The following MYO9B variants were observed in gnomAD, a reference collection of about 807,000 sequenced individuals.
The protein encoded by MYO9B is myosin IXB.
Under a neutral mutation model 229.5 loss-of-function variants are expected in MYO9B, and 71 were observed. That is an observed-to-expected ratio of 0.31 (90% CI 0.26 to 0.38). MYO9B has a LOEUF of 0.38. Ranked by LOEUF, MYO9B falls within the 10% of genes least tolerant of loss-of-function variation. The pLI is 1.00. For synonymous variants in MYO9B, 1,185 were observed against 1,235.8 expected, an observed-to-expected ratio of 0.96 and a Z score of 0.86; for missense variants, 2,255 against 2,920.5, an observed-to-expected ratio of 0.77 and a Z score of 5.25.
chr19:17,167,473 ATTT>A (rs36062777), intron 10 of MYO9B, among the ~76,000 whole-genome samples: 177 of 117,378 alleles, frequency 1.5e-3, no homozygotes, highest in African/African-American at 4.7e-3. Flanking sequence ...TATTAGAGCT[ATTT>A]TTTTTTTTTT....
Position 17,194,586 on chromosome 19 carries a change from G to C in MYO9B, c.3159G>C (p.Lys1053Asn). 6.2e-7 allele frequency: 1 copy of C among 1,612,844 alleles called. No individual in the cohort carries two copies. The highest frequency in any genetic ancestry group is 8.5e-7 in the Non-Finnish European group (1 of 1,179,882). The change falls in exon 22 of 40, where the codon AAG becomes AAC. Residue 1053 changes from lysine to asparagine, a missense_variant. By Grantham distance (94) the Lys-to-Asn change is moderately conservative. Around this residue, in one of 7 missense-constraint regions of MYO9B, gnomAD observed 679 missense variants for 770.2 expected, o/e 0.88. Coordinates refer to ENST00000682292, the MANE Select transcript of MYO9B (RefSeq NM_004145.4). ...SFSQMISEKQKAEEKEREALE... is the reference protein window; with the variant it reads ...SFSQMISEKQNAEEKEREALE... ...GCCAGATGATCTCGGAGAAGCAGAAGGCAGAAGAGAAGGAGAGGGAAGCCC... is the reference window on the plus strand; with the variant it reads ...GCCAGATGATCTCGGAGAAGCAGAACGCAGAAGAGAAGGAGAGGGAAGCCC...
chr19:17,181,029 C>A lies in MYO9B; in HGVS notation c.2322C>A (p.Arg774=), dbSNP rs771644394. Residue 774 remains arginine (R), a synonymous_variant, in exon 15 of 40, where the codon CGC becomes CGA. Transcript: ENST00000682292. ...LQSLSRLQKP[R]AFILKSKGIK... ...CCCTCAGTCGGCTCCAGAAACCCCGCGCCTTCATCCTGTGAGTCCCCCACC... is the reference window on the plus strand; with the variant it reads ...CCCTCAGTCGGCTCCAGAAACCCCGAGCCTTCATCCTGTGAGTCCCCCACC... The A allele has an allele frequency of 1.2e-6, 2 of 1,608,578 alleles. No homozygotes were observed. Among genetic ancestry groups the A allele is most frequent in the Non-Finnish European group, 8.5e-7 (1 of 1,177,274 alleles).
intron 18 of MYO9B, among the ~76,000 whole-genome samples, chr19:17,187,189 G>A (rs746119973): frequency 6.6e-6 from 1 of 152,130 alleles, no homozygotes; most frequent in Non-Finnish European, 1.5e-5. Flanking sequence ...TCAGACCCTT[G>A]GCTTCTTCCT....
intron 2 of MYO9B, among the ~76,000 whole-genome samples, chr19:17,112,285 T>G (rs1283461201): frequency 6.6e-6 from 1 of 151,306 alleles, no homozygotes; most frequent in African/African-American, 2.4e-5. Flanking sequence ...GGACACCAGG[T>G]GGGACCAGGA....
chr19:17,088,710 A>G lies in MYO9B; in HGVS notation c.-59+12836A>G, dbSNP rs142942537. Among the ~76,000 whole-genome samples the G allele has an allele frequency of 8.6e-5, 13 of 151,970 alleles. No individual in the cohort carries two copies. In the East Asian group the frequency reaches 2.5e-3, roughly 29 times the overall value. On this transcript the variant is annotated intron_variant, in intron 1 of 39. Coordinates refer to ENST00000682292, the MANE Select transcript of MYO9B (RefSeq NM_004145.4). Reference sequence around the variant, plus strand: ...ATTTGTGTGTGTGTGAGAGAGAGAGAAACAGGATCTGTCTCTGTTGCCCAG... The same window carrying G: ...ATTTGTGTGTGTGTGAGAGAGAGAGGAACAGGATCTGTCTCTGTTGCCCAG...
chr19:17,175,737 T>A lies in MYO9B; in HGVS notation c.2215T>A (p.Tyr739Asn), dbSNP rs2072779615. 5 of 1,572,790 alleles carry A rather than the reference T, an allele frequency of 3.2e-6. No homozygotes were observed. Among genetic ancestry groups the A allele is most frequent in the Non-Finnish European group, 4.3e-6 (5 of 1,159,102 alleles). Residue 739 changes from tyrosine to asparagine, a missense_variant, in exon 14 of 40, where the codon TAC (tyrosine) becomes AAC (asparagine). By Grantham distance (143) the Tyr-to-Asn change is moderately radical. Around this residue, in one of 7 missense-constraint regions of MYO9B, gnomAD observed 155 missense variants for 159.1 expected, o/e 0.97. Coordinates refer to ENST00000682292, the MANE Select transcript of MYO9B (RefSeq NM_004145.4). Reference sequence around the variant, plus strand: ...AGCCAGCACCCCTTCGGAAAAACTTTACCGGTGAGCAAGACCCTGATTTGC... The same window carrying A: ...AGCCAGCACCCCTTCGGAAAAACTTAACCGGTGAGCAAGACCCTGATTTGC... Reference protein sequence around the residue: ...RGASTPSEKLYRDLHNQMIKS... With the variant: ...RGASTPSEKLNRDLHNQMIKS...
intron 3 of MYO9B, among the ~76,000 whole-genome samples, chr19:17,149,121 C>T (rs964096661): frequency 6.6e-6 from 1 of 151,986 alleles, no homozygotes. Context: ...ACTACAGGTG[C>T]ACACCCCCAC....
intron 2 of MYO9B, among the ~76,000 whole-genome samples, chr19:17,114,543 TG>T (rs2057881835): frequency 6.6e-6 from 1 of 152,190 alleles, no homozygotes; most frequent in South Asian, 2.1e-4. Flanking sequence ...CTTACAATGT[TG>T]TTTGTAAGAC....
intron 2 of MYO9B, among the ~76,000 whole-genome samples, chr19:17,139,980 G>C (rs1339473683): frequency 6.6e-6 from 1 of 152,038 alleles, no homozygotes; most frequent in Non-Finnish European, 1.5e-5. Context: ...GGAGGAGGTT[G>C]TGGTGAGCTG....
In MYO9B at chr19:17,192,729, G is replaced by A; in HGVS notation, c.2812-17G>A. Reference sequence around the variant, plus strand: ...AGGGGCAGTGCAGCTGACCCCACCTGACCCCGTGCCCACCAGGTCTTCCTG... The same window carrying A: ...AGGGGCAGTGCAGCTGACCCCACCTAACCCCGTGCCCACCAGGTCTTCCTG... On this transcript the variant is annotated splice_polypyrimidine_tract_variant and intron_variant, in intron 20 of 39. Transcript: ENST00000682292. 1 of 1,509,550 alleles carries A rather than the reference G, an allele frequency of 6.6e-7. No individual in the cohort carries two copies. The highest frequency in any genetic ancestry group is 2.5e-5 in the East Asian group (1 of 40,446). 93.5% of individuals were successfully genotyped at this position (1,509,550 alleles called of 1,614,324 possible).
chr19:17,079,341 T>A lies in MYO9B; in HGVS notation c.-59+3467T>A, dbSNP rs991229328. ...GGGTCTTGATAAAAAGGAGGAACCG[T>A]TAGGAACGGACTGTGGGAGGGTAGG... On this transcript the variant is annotated intron_variant, in intron 1 of 39. Coordinates refer to ENST00000682292, the MANE Select transcript of MYO9B (RefSeq NM_004145.4). Among the ~76,000 whole-genome samples the A allele has an allele frequency of 1.2e-4, 19 of 152,200 alleles. No homozygotes were observed. The East Asian group carries it at 1.7e-3, about 14-fold the overall frequency.
At chr19:17,153,410 G>A (rs1359402328) in intron 4 of MYO9B, among the ~76,000 whole-genome samples, 2 of 150,284 alleles carry the variant, frequency 1.3e-5, no homozygotes, top group Non-Finnish European at 3.0e-5. Flanking sequence ...AGAAAGGCCT[G>A]GAGCAGTGGC....
At chr19:17,147,269 G>A (rs188902315) in intron 3 of MYO9B, among the ~76,000 whole-genome samples, 2 of 152,306 alleles carry the variant, frequency 1.3e-5, no homozygotes, top group Non-Finnish European at 2.9e-5. Context: ...AAGGCCAGGC[G>A]TGGTGGCTCA....
chr19:17,150,999 G>T (rs2072470277), intron 3 of MYO9B, among the ~76,000 whole-genome samples: 1 of 100,454 alleles, frequency 1.0e-5, no homozygotes, highest in South Asian at 3.1e-4. Context: ...GATTGGTAAG[G>T]CCGGGCGCAG....
At chr19:17,103,960 G>A (rs1236898494) in intron 2 of MYO9B, among the ~76,000 whole-genome samples, 1 of 151,694 alleles carries the variant, frequency 6.6e-6, no homozygotes, top group Non-Finnish European at 1.5e-5. Flanking sequence ...GGAGGCTGAG[G>A]CAGGAGAATC....
Position 17,212,345 on chromosome 19 carries a change from C to T in MYO9B, c.*35C>T, listed in dbSNP as rs747588492. On this transcript the variant is annotated 3_prime_UTR_variant, in exon 40 of 40. Coordinates refer to ENST00000682292, the MANE Select transcript of MYO9B (RefSeq NM_004145.4). This position sits in a 1 kb window ranked among gnomAD's most constrained non-coding sequence, Gnocchi z 5.4. Reference sequence around the variant, plus strand: ...CTGACAAAGTCTGCATGTCCGAGGACGGCCCCTGCACTGGAGCTGGGCGCC... The same window carrying T: ...CTGACAAAGTCTGCATGTCCGAGGATGGCCCCTGCACTGGAGCTGGGCGCC... 147 of 1,441,376 alleles carry T rather than the reference C, an allele frequency of 1.0e-4. No individual in the cohort carries two copies. The highest frequency in any genetic ancestry group is 3.3e-4 in the East Asian group (13 of 39,154). The allele number at this position is 1,441,376 out of a possible 1,614,324, so 89.3% of individuals were successfully genotyped here. A position where few individuals can be genotyped will look rare whatever the true frequency, so the allele number is the denominator to read the frequency against.
intron 15 of MYO9B, among the ~76,000 whole-genome samples, chr19:17,181,428 CAG>C (rs2072859565): frequency 6.6e-6 from 1 of 152,250 alleles, no homozygotes; most frequent in African/African-American, 2.4e-5. Flanking sequence ...TGCGATTTCC[CAG>C]AGAGGGTGGC....
intron 18 of MYO9B, 143 bp from the exon 19 acceptor site, chr19:17,187,792 A>G (rs898510969): frequency 3.0e-6 from 2 of 669,158 alleles, no homozygotes; most frequent in Non-Finnish European, 5.2e-6. Context: ...CACCCTGACC[A>G]TGTCTGTGTT....
chr19:17,184,796 A>G (rs1227379525), intron 16 of MYO9B, 69 bp from the exon 17 acceptor site: 2 of 1,600,748 alleles, frequency 1.2e-6, no homozygotes, highest in East Asian at 4.5e-5. Flanking sequence ...CTTCGGGGAC[A>G]CCTGTGATGC....
Sources: allele counts gnomAD v4.1 joint callset (sites outside exome capture counted in the v4.1 genomes callset), GRCh38; gene constraint gnomAD v4.1.1; regional missense constraint gnomAD v4.1.1; non-coding constraint Gnocchi (gnomAD v3.1); transcripts MANE v1.5; gene names NCBI Gene and HGNC (gene_info 2026-07-23, HGNC 2026-07-21).